PKNOX2: variants seen among roughly 807,000 people sequenced by gnomAD.
PKNOX2 encodes the protein homeobox protein PKNOX2.
In PKNOX2, 14 loss-of-function variants were observed where a neutral mutation model predicts 53.1. That is an observed-to-expected ratio of 0.26 (90% CI 0.17 to 0.41). The LOEUF is 0.41. Among genes scored for constraint, PKNOX2 ranks in the 10% least tolerant of loss-of-function variants. The probability of loss-of-function intolerance (pLI) is 1.00; values close to 1 mark genes in which losing one functional copy is unlikely to be tolerated. For synonymous variants in PKNOX2, 257 were observed against 242.8 expected (o/e 1.06, Z -0.54); for missense variants, 496 against 602.8 (o/e 0.82, Z 1.85).
chr11:125,170,535 C>T (rs1955213868), intron 1 of PKNOX2, among the ~76,000 whole-genome samples: 1 of 152,174 alleles, frequency 6.6e-6, no homozygotes, highest in African/African-American at 2.4e-5. Flanking sequence ...CAGCTCAGTT[C>T]ATCTCACGCG....
chr11:125,209,197 G>A (rs1939527200), intron 1 of PKNOX2, among the ~76,000 whole-genome samples: 1 of 152,084 alleles, frequency 6.6e-6, no homozygotes, highest in Non-Finnish European at 1.5e-5. Flanking sequence ...GAGTCAGGGT[G>A]GGGAGACTTT....
chr11:125,176,720 C>G (rs1161273519), intron 1 of PKNOX2, among the ~76,000 whole-genome samples: 1 of 152,178 alleles, frequency 6.6e-6, no homozygotes. Context: ...TTGACCAACC[C>G]CTTCTTCCCC....
intron 2 of PKNOX2, among the ~76,000 whole-genome samples, chr11:125,316,752 G>A (rs1156358447): frequency 6.6e-6 from 1 of 152,210 alleles, no homozygotes; most frequent in African/African-American, 2.4e-5. Flanking sequence ...TTTTGCTGCT[G>A]GAGGGTTTTG....
At chr11:125,353,048 A>C (rs1951403500) in intron 4 of PKNOX2, among the ~76,000 whole-genome samples, 2 of 152,214 alleles carry the variant, frequency 1.3e-5, no homozygotes, top group Admixed American at 1.3e-4. Flanking sequence ...CTTTGATAGC[A>C]GCAGACCCAT....
At chr11:125,323,633 C>G (rs893459401) in intron 2 of PKNOX2, among the ~76,000 whole-genome samples, 2 of 152,196 alleles carry the variant, frequency 1.3e-5, no homozygotes, top group Admixed American at 6.5e-5. Flanking sequence ...GCTTCCTCTG[C>G]GTTCCTTAAT....
chr11:125,368,318 T>C (rs1952307753), intron 5 of PKNOX2, among the ~76,000 whole-genome samples: 1 of 152,112 alleles, frequency 6.6e-6, no homozygotes, highest in Non-Finnish European at 1.5e-5. Context: ...TGTGTCCTGT[T>C]GTTGCTTTCC....
intron 2 of PKNOX2, among the ~76,000 whole-genome samples, chr11:125,301,190 T>G (rs1948038425): frequency 6.6e-6 from 1 of 152,062 alleles, no homozygotes; most frequent in South Asian, 2.1e-4. Flanking sequence ...ATGCTGCCAA[T>G]CCACTGCTGG....
chr11:125,222,396 GT>G (rs1433008185), intron 1 of PKNOX2, among the ~76,000 whole-genome samples: 1 of 152,024 alleles, frequency 6.6e-6, no homozygotes, highest in Non-Finnish European at 1.5e-5. Context: ...GCAGTTTGAT[GT>G]TTTTCATGTG....
chr11:125,385,111 C>T (rs1005307741), intron 5 of PKNOX2, among the ~76,000 whole-genome samples: 1 of 152,174 alleles, frequency 6.6e-6, no homozygotes, highest in Non-Finnish European at 1.5e-5. Context: ...ACATCTGCCA[C>T]CCTTAGCTGG....
intron 2 of PKNOX2, among the ~76,000 whole-genome samples, chr11:125,255,019 C>T (rs1012308173): frequency 3.9e-5 from 6 of 152,142 alleles, no homozygotes; most frequent in Non-Finnish European, 8.8e-5. Context: ...GGATGCAACG[C>T]GAATGATACA....
chr11:125,194,125 G>A (rs1223899960), intron 1 of PKNOX2, among the ~76,000 whole-genome samples: 3 of 152,198 alleles, frequency 2.0e-5, no homozygotes, highest in African/African-American at 4.8e-5. Flanking sequence ...CTTTGTGCGA[G>A]CCCTTCCTCC....
chr11:125,227,372 C>T (rs1490703355), intron 1 of PKNOX2, among the ~76,000 whole-genome samples: 1 of 152,182 alleles, frequency 6.6e-6, no homozygotes, highest in Non-Finnish European at 1.5e-5. Context: ...CAACAACTCC[C>T]CAGTCCCTCA....
intron 2 of PKNOX2, among the ~76,000 whole-genome samples, chr11:125,236,175 C>A (rs898643493): frequency 1.2e-4 from 19 of 152,212 alleles, no homozygotes; most frequent in Non-Finnish European, 2.2e-4. Context: ...AACATCCTGC[C>A]GATGGCTGCC....
chr11:125,279,648 G>A (rs1198199716), intron 2 of PKNOX2, among the ~76,000 whole-genome samples: 3 of 152,168 alleles, frequency 2.0e-5, no homozygotes, highest in African/African-American at 7.2e-5. Flanking sequence ...GAACGCAGGG[G>A]AGTCCTGGCC....
intron 3 of PKNOX2, 56 bp downstream of exon 3, chr11:125,331,981 C>A (rs1348820440): frequency 6.6e-6 from 1 of 152,198 alleles, no homozygotes; most frequent in Non-Finnish European, 1.5e-5. Flanking sequence ...AGCAGGATAT[C>A]TTTTCTTCTG....
intron 7 of PKNOX2, among the ~76,000 whole-genome samples, chr11:125,402,529 G>A (rs1954812945): frequency 6.6e-6 from 1 of 152,122 alleles, no homozygotes; most frequent in Non-Finnish European, 1.5e-5. Flanking sequence ...CAAGCGTTTG[G>A]GGGGCACTCA....
chr11:125,335,619 G>A (rs910876211), intron 3 of PKNOX2, among the ~76,000 whole-genome samples: 1 of 152,146 alleles, frequency 6.6e-6, no homozygotes, highest in Non-Finnish European at 1.5e-5. Flanking sequence ...CTTGAAATAT[G>A]CACAAAATAG....
At chr11:125,416,074 C>A (rs576754523) in intron 10 of PKNOX2, among the ~76,000 whole-genome samples, 2 of 151,866 alleles carry the variant, frequency 1.3e-5, no homozygotes, top group Non-Finnish European at 2.9e-5. Context: ...GAGGCCGAGG[C>A]GGGCGGATCA....
intron 6 of PKNOX2, among the ~76,000 whole-genome samples, chr11:125,388,171 T>C (rs1252135126): frequency 6.6e-6 from 1 of 151,870 alleles, no homozygotes; most frequent in Non-Finnish European, 1.5e-5. Flanking sequence ...TGGTCCTGTG[T>C]CAGGAAGTGG....
Sources: gnomAD v4.1 joint callset for allele counts (sites outside exome capture counted in the v4.1 genomes callset) on GRCh38, gnomAD v4.1.1 for gene constraint, MANE v1.5 for transcripts, NCBI Gene and HGNC (gene_info 2026-07-23, HGNC 2026-07-21) for gene names.